The following PRKCD variants were observed in gnomAD, a reference collection of about 807,000 sequenced individuals.
PRKCD encodes the protein protein kinase C delta type.
PRKCD carries 20 observed loss-of-function variants against 82.2 expected under a neutral mutation model. The ratio of observed to expected loss-of-function variants is 0.24; its 90% CI spans 0.17 to 0.35. The LOEUF is 0.35. Among genes scored for constraint, PRKCD ranks in the 10% least tolerant of loss-of-function variants. PRKCD has a pLI of 1.00. For synonymous variants in PRKCD, 317 were observed against 337.0 expected, an observed-to-expected ratio of 0.94 and a Z score of 0.65; for missense variants, 607 against 899.0, an observed-to-expected ratio of 0.68 and a Z score of 4.15.
intron 8 of PRKCD, 33 bp from the exon 9 acceptor site, chr3:53,183,419 G>T (rs371438950): frequency 1.9e-6 from 3 of 1,612,276 alleles, no homozygotes; most frequent in Non-Finnish European, 2.5e-6. Flanking sequence ...GAGCTGGCAC[G>T]TGACCCTCAG....
At chr3:53,177,002 G>A (rs1703235167) in intron 2 of PRKCD, among the ~76,000 whole-genome samples, 1 of 152,102 alleles carries the variant, frequency 6.6e-6, no homozygotes, top group South Asian at 2.1e-4. Flanking sequence ...GCTAGTTTTT[G>A]TATTTTTAGT....
At position 53,181,543 on chromosome 3, in the gene PRKCD, A is replaced by G; in HGVS notation, c.476A>G (p.His159Arg). 6.2e-7 allele frequency: 1 copy of G among 1,614,210 alleles called. No homozygotes were observed. Among genetic ancestry groups the G allele is most frequent in the Non-Finnish European group, 8.5e-7 (1 of 1,180,032 alleles). ...GCCAAAATCCACTACATCAAGAACC[A>G]TGAGTTTATCGCCACCTTCTTTGGG... Reference protein sequence around the residue: ...KQAKIHYIKNHEFIATFFGQP... With the variant: ...KQAKIHYIKNREFIATFFGQP... Residue 159 changes from histidine to arginine, a missense_variant, in exon 6 of 19, where the codon CAT (histidine) becomes CGT (arginine). Transcript: ENST00000330452.
Position 53,186,348 on chromosome 3 carries a change from G to A in PRKCD, c.1260+8G>A. 1 of 1,613,838 alleles carries A rather than the reference G, an allele frequency of 6.2e-7. No homozygotes were observed. The highest frequency in any genetic ancestry group is 8.5e-7 in the Non-Finnish European group (1 of 1,179,882). ...TGCACCTTCCAGACCAAGGTGCCCG[G>A]GCCTCCTGCCGTCACCACCCCATGC... On this transcript the variant is annotated splice_region_variant and intron_variant, in intron 13 of 18. Transcript: ENST00000330452.
chr3:53,191,655 A>G (rs574912833), intron 18 of PRKCD, among the ~76,000 whole-genome samples: 1 of 152,366 alleles, frequency 6.6e-6, no homozygotes, highest in East Asian at 1.9e-4. Flanking sequence ...AGGCATAGAC[A>G]GTATGTCAAC....
intron 7 of PRKCD, among the ~76,000 whole-genome samples, chr3:53,182,635 A>T (rs533482444): frequency 6.6e-6 from 1 of 152,236 alleles, no homozygotes; most frequent in African/African-American, 2.4e-5. Flanking sequence ...ATGGAATAAG[A>T]TATGTAAAGC....
chr3:53,192,107 G>A lies in PRKCD; in HGVS notation c.1873-1G>A. 6.2e-7 allele frequency: 1 copy of A among 1,613,788 alleles called. No homozygotes were observed. The highest frequency in any genetic ancestry group is 8.5e-7 in the Non-Finnish European group (1 of 1,179,860). ...CGCTCACCCCTGCCCTCTGCTTGTA[G>A]AAGTCACCCAGAGACTACAGTAACT... is the stretch of plus-strand genomic sequence containing the variant. On this transcript the variant is annotated splice_acceptor_variant, in intron 18 of 18. Transcript: ENST00000330452. LOFTEE classifies it high-confidence loss of function.
At position 53,168,443 on chromosome 3, in the gene PRKCD, G is replaced by A. The variant is rs372035719; in HGVS notation, c.-20+3228G>A. 2.3e-4 allele frequency among the ~76,000 whole-genome samples: 35 copies of A among 152,304 alleles called. No homozygotes were observed. The East Asian group carries it at 4.8e-3, about 21-fold the overall frequency. ...AGCAGGGGCCTGAGGGCTGGAGAGC[G>A]AAAGGTGGATGGGCCTGGGCGGGAA... On this transcript the variant is annotated intron_variant, in intron 2 of 18. Transcript: ENST00000330452.
intron 12 of PRKCD, 31 bp downstream of exon 12, chr3:53,186,058 C>G (rs781981827): frequency 6.2e-7 from 1 of 1,612,806 alleles, no homozygotes; most frequent in Admixed American, 1.7e-5. Context: ...ACCTGCTTCC[C>G]ACCCCACCCT....
chr3:53,181,327 G>A, intron 5 of PRKCD, 60 bp downstream of exon 5: 1 of 1,608,856 alleles, frequency 6.2e-7, no homozygotes, highest in Non-Finnish European at 8.5e-7. Context: ...AGCCAGCACT[G>A]AGGTGTAGGG....
At chr3:53,186,743 A>G (rs1553669262) in intron 14 of PRKCD, 48 bp downstream of exon 14, 8 of 1,491,972 alleles carry the variant, frequency 5.4e-6, no homozygotes, top group South Asian at 1.2e-5. Context: ...AGGAAGGGCT[A>G]CTGGCTCAGA....
At chr3:53,188,187 C>CAAAAAAAAAAAAA (rs557772373) in intron 15 of PRKCD, among the ~76,000 whole-genome samples, 1,272 of 45,562 alleles carry the variant, frequency 0.028, 301 homozygotes, top group South Asian at 0.049. Context: ...GACTGTGTCT[C>CAAAAAAAAAAAAA]AAAAAAAAAA....
At chr3:53,191,853 T>A (rs1703935447) in intron 18 of PRKCD, among the ~76,000 whole-genome samples, 1 of 152,230 alleles carries the variant, frequency 6.6e-6, no homozygotes, top group African/African-American at 2.4e-5. Flanking sequence ...GGGCTGTGAT[T>A]CGGTGGTCTC....
chr3:53,173,241 G>T (rs1575528433), intron 2 of PRKCD, among the ~76,000 whole-genome samples: 1 of 152,204 alleles, frequency 6.6e-6, no homozygotes, highest in South Asian at 2.1e-4. Context: ...AGGCAACCAG[G>T]ACTTCTGTGC....
At chr3:53,180,921 G>A (rs1277325732) in intron 4 of PRKCD, among the ~76,000 whole-genome samples, 1 of 152,016 alleles carries the variant, frequency 6.6e-6, no homozygotes, top group East Asian at 1.9e-4. Context: ...TAGGGGTGGG[G>A]AATTTCCCTT....
chr3:53,180,015 G>A (rs1703377686), intron 4 of PRKCD, among the ~76,000 whole-genome samples: 1 of 152,200 alleles, frequency 6.6e-6, no homozygotes, highest in Admixed American at 6.5e-5. Flanking sequence ...ATCTGTTAAG[G>A]GAAGGCGCTA....
chr3:53,188,403 G>A (rs950637308), intron 15 of PRKCD, among the ~76,000 whole-genome samples: 1 of 152,136 alleles, frequency 6.6e-6, no homozygotes, highest in African/African-American at 2.4e-5. Context: ...GTGGGAAGTA[G>A]ACAAACCTGA....
intron 2 of PRKCD, among the ~76,000 whole-genome samples, chr3:53,166,109 G>C (rs1445524801): frequency 6.6e-6 from 1 of 152,148 alleles, no homozygotes. Context: ...TGGCTGTTAC[G>C]CACCTATAGG....
intron 11 of PRKCD, 95 bp from the exon 12 acceptor site, chr3:53,185,832 T>A: frequency 1.3e-6 from 2 of 1,528,510 alleles, no homozygotes; most frequent in South Asian, 1.1e-5. Context: ...CCCCTTCCTC[T>A]CTGAGGCCCC....
intron 11 of PRKCD, 69 bp from the exon 12 acceptor site, chr3:53,185,858 C>T (rs1703658389): frequency 1.3e-6 from 2 of 1,575,328 alleles, no homozygotes; most frequent in Non-Finnish European, 1.7e-6. Context: ...CCAGCCTACC[C>T]CAGGCCCCGG....
Sources: allele counts gnomAD v4.1 joint callset (sites outside exome capture counted in the v4.1 genomes callset), GRCh38; gene constraint gnomAD v4.1.1; transcripts MANE v1.5; gene names NCBI Gene and HGNC (gene_info 2026-07-23, HGNC 2026-07-21).